The following TCERG1 variants were observed in gnomAD, a reference collection of about 807,000 sequenced individuals.
The protein encoded by TCERG1 is TATA box binding protein (TBP)-associated factor, RNA polymerase II, S, 150kD.
Under a neutral mutation model 144.7 loss-of-function variants are expected in TCERG1, and 37 were observed. The observed-to-expected ratio is 0.26, with a 90% CI of 0.20 to 0.34. The LOEUF is 0.34. TCERG1 is among the 10% of genes least tolerant of loss of function. The pLI, the probability that TCERG1 is intolerant of heterozygous loss-of-function variation, is 1.00. For synonymous variants in TCERG1, 492 were observed against 458.2 expected (o/e 1.07, Z -0.94); for missense variants, 1,027 against 1,380.7 (o/e 0.74, Z 4.06).
chr5:146,454,208 A>AAAAGG (rs1012153855), intron 1 of TCERG1, among the ~76,000 whole-genome samples: 1 of 89,790 alleles, frequency 1.1e-5, no homozygotes, highest in African/African-American at 4.2e-5. Context: ...TCAAAAAAAA[A>AAAAGG]AAAGAAAAGA....
At chr5:146,489,303 T>C (rs1766169228) in intron 15 of TCERG1, among the ~76,000 whole-genome samples, 1 of 152,154 alleles carries the variant, frequency 6.6e-6, no homozygotes, top group Admixed American at 6.5e-5. Context: ...TGCACATGTA[T>C]TGAAACACAG....
chr5:146,507,132 T>A lies in TCERG1; in HGVS notation c.2886T>A (p.Leu962=), dbSNP rs770637750. 9.3e-6 allele frequency: 15 copies of A among 1,613,692 alleles called. 1 individual carries two copies. In the East Asian group the frequency reaches 1.1e-4, roughly 12 times the overall value. ...TGGAAAGAGAGGAGAAAGAGAAGCT[T>A]TTTAATGAACACATTGAAGCACTTA... ...SLLEREEKEK[L]FNEHIEALTK... is the part of the protein sequence containing the mutation. The change falls in exon 20 of 23, where the codon CTT becomes CTA. Residue 962 remains leucine (L), a synonymous_variant. Transcript: ENST00000679501. The surrounding 1 kb of genome is among the most constrained non-coding windows in gnomAD (Gnocchi z 4.6).
chr5:146,496,981 C>T (rs1225356681), intron 16 of TCERG1, among the ~76,000 whole-genome samples: 5 of 148,060 alleles, frequency 3.4e-5, no homozygotes, highest in Non-Finnish European at 7.4e-5. Flanking sequence ...TTTTCTCTTG[C>T]CTCAGCCTCC....
chr5:146,489,041 G>T (rs1409679204), intron 15 of TCERG1, among the ~76,000 whole-genome samples: 1 of 152,220 alleles, frequency 6.6e-6, no homozygotes, highest in Non-Finnish European at 1.5e-5. Flanking sequence ...ACTGAAGGCT[G>T]AGAGGGGTAG....
intron 15 of TCERG1, among the ~76,000 whole-genome samples, chr5:146,487,572 A>G (rs577018214): frequency 5.7e-4 from 86 of 152,068 alleles, no homozygotes; most frequent in Middle Eastern, 3.4e-3. Context: ...TCTCTCTACA[A>G]AAAAATGCAA....
intron 13 of TCERG1, chr5:146,481,876 G>A (rs1478038243): frequency 6.6e-6 from 1 of 152,060 alleles, no homozygotes; most frequent in Non-Finnish European, 1.5e-5. Context: ...CACCTGAGGT[G>A]CATTTTTGGA....
At chr5:146,506,903 T>C (rs1581584931) in intron 19 of TCERG1, 125 bp from the exon 20 acceptor site, 1 of 702,616 alleles carries the variant, frequency 1.4e-6, no homozygotes, top group Non-Finnish European at 2.2e-6. Context: ...CATGTATCTG[T>C]TGATAGACAC....
chr5:146,504,193 A>C, intron 19 of TCERG1, 187 bp downstream of exon 19: 1 of 485,298 alleles, frequency 2.1e-6, no homozygotes, highest in Non-Finnish European at 3.3e-6. Context: ...GTTATTCAAC[A>C]AATTCAGAAG....
chr5:146,459,382 T>C, intron 4 of TCERG1, 45 bp downstream of exon 4: 1 of 1,584,344 alleles, frequency 6.3e-7, no homozygotes, highest in Non-Finnish European at 8.6e-7. Context: ...GCTAGAGACA[T>C]GAACAAGTAG....
intron 5 of TCERG1, among the ~76,000 whole-genome samples, chr5:146,467,005 A>C (rs548753965): frequency 1.6e-3 from 240 of 152,328 alleles, no homozygotes; most frequent in African/African-American, 5.7e-3. Flanking sequence ...TCCTTAACCA[A>C]ATGAATTTTT....
intron 1 of TCERG1, 65 bp downstream of exon 1, chr5:146,447,473 TG>T (rs984533855): frequency 2.2e-5 from 35 of 1,558,676 alleles, no homozygotes; most frequent in Non-Finnish European, 2.9e-5. Context: ...ACGCTAGACC[TG>T]CCATGTGGAG....
In TCERG1 at chr5:146,498,660, G is replaced by GGAA; in HGVS notation, c.2407_2408insGAA (p.Glu803delinsGlyLys). 1 of 1,611,774 alleles carries GGAA rather than the reference G, an allele frequency of 6.2e-7. No individual in the cohort carries two copies. Among genetic ancestry groups the GGAA allele is most frequent in the Non-Finnish European group, 8.5e-7 (1 of 1,179,098 alleles). On this transcript the variant is annotated protein_altering_variant, in exon 17 of 23. Coordinates refer to ENST00000679501, the MANE Select transcript of TCERG1 (RefSeq NM_001382548.1). ...GGCCGCTGCTAGGAAGAAAGAGAAA[G>GGAA]AAGATTCGAAGACCAGAGGTGAGAA...
At chr5:146,489,547 A>G (rs1221844438) in intron 15 of TCERG1, among the ~76,000 whole-genome samples, 1 of 152,220 alleles carries the variant, frequency 6.6e-6, no homozygotes, top group Non-Finnish European at 1.5e-5. Context: ...GAAATTAAAA[A>G]TATGAGAATC....
intron 3 of TCERG1, among the ~76,000 whole-genome samples, chr5:146,457,786 T>C (rs1158330577): frequency 6.6e-6 from 1 of 152,360 alleles, no homozygotes; most frequent in Middle Eastern, 3.4e-3. Flanking sequence ...AAACATAACA[T>C]GGGTTTTCCT....
intron 15 of TCERG1, among the ~76,000 whole-genome samples, chr5:146,486,899 A>C (rs894880849): frequency 2.0e-5 from 3 of 152,082 alleles, no homozygotes; most frequent in Non-Finnish European, 4.4e-5. Context: ...ACATGGCGAA[A>C]CCTCATCTCT....
At position 146,455,282 on chromosome 5, in the gene TCERG1, G is replaced by A; in HGVS notation, c.285+1G>A. ...ACCTATGGGCCCTCCACACCTCCAG[G>A]TAAAGAATGTAGAGGTTGCCATTTC... On this transcript the variant is annotated splice_donor_variant, in intron 2 of 22. Coordinates refer to ENST00000679501, the MANE Select transcript of TCERG1 (RefSeq NM_001382548.1). LOFTEE classifies it high-confidence loss of function. The A allele has an allele frequency of 6.2e-7, 1 of 1,614,090 alleles. No individual in the cohort carries two copies.
chr5:146,451,470 G>A (rs922516460), intron 1 of TCERG1, among the ~76,000 whole-genome samples: 41 of 151,860 alleles, frequency 2.7e-4, no homozygotes, highest in African/African-American at 9.4e-4. Context: ...TTACAGGGAA[G>A]CACCACCACA....
chr5:146,480,911 CTT>C (rs1374675235), intron 12 of TCERG1, among the ~76,000 whole-genome samples: 3 of 150,580 alleles, frequency 2.0e-5, no homozygotes, highest in African/African-American at 7.3e-5. Context: ...TTGCAATTGA[CTT>C]TTTAGTTCTT....
chr5:146,455,129 C>A lies in TCERG1; in HGVS notation c.133C>A (p.Pro45Thr), dbSNP rs753282536. The A allele has an allele frequency of 6.2e-7, 1 of 1,614,230 alleles. No homozygotes were observed. The change falls in exon 2 of 23, where the codon CCT (proline) becomes ACT (threonine). Residue 45 changes from proline (P) to threonine (T), a missense_variant. Pro to Thr is a conservative substitution (Grantham distance 38). Coordinates refer to ENST00000679501, the MANE Select transcript of TCERG1 (RefSeq NM_001382548.1). ...PPNAVMRGPP[P>T]LMRPPPPFGM... ...AAATGCAGTGATGCGAGGCCCACCA[C>A]CTCTGATGCGACCTCCTCCACCTTT...
Sources: allele counts gnomAD v4.1 joint callset (sites outside exome capture counted in the v4.1 genomes callset), GRCh38; gene constraint gnomAD v4.1.1; non-coding constraint Gnocchi (gnomAD v3.1); transcripts MANE v1.5; gene names NCBI Gene and HGNC (gene_info 2026-07-23, HGNC 2026-07-21).